CDK19: variants seen among roughly 807,000 people sequenced by gnomAD.
The protein encoded by CDK19 is cyclin-dependent kinase 19.
In CDK19, 20 loss-of-function variants were observed where a neutral mutation model predicts 68.3. The ratio of observed to expected loss-of-function variants is 0.29; its 90% CI spans 0.21 to 0.43. The LOEUF is 0.43. CDK19 is among the 20% of genes least tolerant of loss of function. The pLI, the probability that CDK19 is intolerant of heterozygous loss-of-function variation, is 1.00. For missense variants in CDK19, 339 were observed against 623.5 expected (o/e 0.54, Z 4.86); for synonymous variants, 221 against 222.8 (o/e 0.99, Z 0.07).
intron 2 of CDK19, chr6:110,700,478 G>C (rs1773898254): frequency 6.6e-6 from 1 of 151,994 alleles, no homozygotes. Flanking sequence ...GTGCTGGAGA[G>C]CTCTGGTCTG....
At chr6:110,623,003 T>C (rs1340262569) in intron 9 of CDK19, 91 bp from the exon 10 acceptor site, 4 of 851,616 alleles carry the variant, frequency 4.7e-6, no homozygotes, top group Middle Eastern at 2.2e-4. Context: ...ACAGGATTAA[T>C]ATAAAATACA....
intron 8 of CDK19, among the ~76,000 whole-genome samples, chr6:110,625,132 T>G (rs966223570): frequency 1.3e-5 from 2 of 152,112 alleles, no homozygotes; most frequent in East Asian, 1.9e-4. Context: ...TGCTCTAGAA[T>G]CTCGCTACAC....
intron 4 of CDK19, among the ~76,000 whole-genome samples, chr6:110,648,533 CTTTTCTTTTT>C (rs1293849856): frequency 7.4e-6 from 1 of 134,546 alleles, no homozygotes; most frequent in Non-Finnish European, 1.6e-5. Context: ...AATCTTTTTT[CTTTTCTTTTT>C]TTTTTTTTTT....
chr6:110,679,478 G>A (rs182708641), intron 2 of CDK19, among the ~76,000 whole-genome samples: 1 of 152,098 alleles, frequency 6.6e-6, no homozygotes, highest in Non-Finnish European at 1.5e-5. Flanking sequence ...CAGGCGTGGT[G>A]GTGGGTGCCT....
At chr6:110,624,750 A>G (rs868403937) in intron 8 of CDK19, among the ~76,000 whole-genome samples, 19 of 152,298 alleles carry the variant, frequency 1.2e-4, no homozygotes, top group Admixed American at 5.9e-4. Flanking sequence ...TACTTGTTTC[A>G]TAATAGCTGT....
intron 5 of CDK19, among the ~76,000 whole-genome samples, chr6:110,637,733 A>C (rs1325091629): frequency 6.6e-6 from 1 of 152,216 alleles, no homozygotes; most frequent in Non-Finnish European, 1.5e-5. Context: ...TAATCCCAGC[A>C]CTTTGGGAAG....
At chr6:110,732,520 G>A (rs919899422) in intron 2 of CDK19, among the ~76,000 whole-genome samples, 2 of 151,320 alleles carry the variant, frequency 1.3e-5, no homozygotes, top group Admixed American at 6.6e-5. Context: ...TGGGCAACAA[G>A]GCAAGAAAAA....
At position 110,766,606 on chromosome 6, in the gene CDK19, T is replaced by C. The variant is rs189533396; in HGVS notation, c.129-20405A>G. Among the ~76,000 whole-genome samples, 9 of 152,232 alleles carry C rather than the reference T, an allele frequency of 5.9e-5. No individual in the cohort carries two copies. The East Asian group carries it at 1.4e-3, about 23-fold the overall frequency. ...AAAAAGAAAGAAAAAAGAAATCCTG[T>C]CATTTGCAGCATCATTGACCCTGCA... On this transcript the variant is annotated intron_variant, in intron 1 of 12. Coordinates refer to ENST00000368911, the MANE Select transcript of CDK19 (RefSeq NM_015076.5).
Position 110,649,114 on chromosome 6 carries a change from T to C in CDK19, c.457-10408A>G, listed in dbSNP as rs189358355. Among the ~76,000 whole-genome samples, 779 of 152,216 alleles carry C rather than the reference T, an allele frequency of 5.1e-3. 6 individuals are homozygous for C. The highest frequency in any genetic ancestry group is 0.018 in the African/African-American group (757 of 41,532). On this transcript the variant is annotated intron_variant, in intron 4 of 12. Coordinates refer to ENST00000368911, the MANE Select transcript of CDK19 (RefSeq NM_015076.5). The stretch of plus-strand genomic sequence containing the variant: ...TAAAAAAAAAAATCAATTCTCCCCA[T>C]ACTTATTTGTAAATTCCATTTACAG...
intron 5 of CDK19, among the ~76,000 whole-genome samples, chr6:110,636,401 A>T (rs531147817): frequency 6.6e-6 from 1 of 152,344 alleles, no homozygotes. Flanking sequence ...GCCTTGAAAC[A>T]ATAGGTTAGT....
chr6:110,691,038 C>T (rs1048272949), intron 2 of CDK19, among the ~76,000 whole-genome samples: 26 of 151,988 alleles, frequency 1.7e-4, no homozygotes, highest in Non-Finnish European at 3.4e-4. Flanking sequence ...ATGAAATATT[C>T]GAAATATCAG....
At chr6:110,645,813 G>C in intron 4 of CDK19, 2 of 605,800 alleles carry the variant, frequency 3.3e-6, no homozygotes, top group Admixed American at 4.6e-5. Context: ...TAGAGACGGA[G>C]GGATGGCCGC....
chr6:110,776,931 T>C (rs918948898), intron 1 of CDK19, among the ~76,000 whole-genome samples: 1 of 152,180 alleles, frequency 6.6e-6, no homozygotes. Context: ...TATTATACTT[T>C]AAAGATGAAG....
At chr6:110,809,255 C>T (rs926059634) in intron 1 of CDK19, among the ~76,000 whole-genome samples, 1 of 150,474 alleles carries the variant, frequency 6.6e-6, no homozygotes, top group African/African-American at 2.4e-5. Context: ...TGACTCATGT[C>T]TGTAATCCCA....
intron 1 of CDK19, among the ~76,000 whole-genome samples, chr6:110,801,543 G>A (rs1782346176): frequency 6.6e-6 from 1 of 151,470 alleles, no homozygotes; most frequent in African/African-American, 2.4e-5. Flanking sequence ...ACAGGGTTTT[G>A]CACTGTCGCC....
At chr6:110,788,817 C>T (rs1781410918) in intron 1 of CDK19, among the ~76,000 whole-genome samples, 1 of 152,094 alleles carries the variant, frequency 6.6e-6, no homozygotes, top group African/African-American at 2.4e-5. Context: ...CTGCAGACTT[C>T]AATCTACAGT....
In CDK19 at chr6:110,746,136, C is replaced by T; in HGVS notation, c.194G>A (p.Arg65Lys). 1 of 1,588,382 alleles carries T rather than the reference C, an allele frequency of 6.3e-7. No homozygotes were observed. The highest frequency in any genetic ancestry group is 8.6e-7 in the Non-Finnish European group (1 of 1,164,970). ...TTTGTATCCACTTACTGCAATCTCT[C>T]TACAAGCCGACATGGATATTCCTGT... Reference protein sequence around the residue: ...EGTGISMSACREIALLRELKH... With the variant: ...EGTGISMSACKEIALLRELKH... Residue 65 changes from arginine to lysine, a missense_variant, in exon 2 of 13, where the codon AGA becomes AAA. This residue lies in a region of CDK19 where 120 missense variants were observed against 224.0 expected (regional missense o/e 0.54). Transcript: ENST00000368911.
chr6:110,814,838 G>A, intron 1 of CDK19, 171 bp downstream of exon 1: 5 of 841,430 alleles, frequency 5.9e-6, no homozygotes, highest in Non-Finnish European at 7.5e-6. Flanking sequence ...GCCGCGCGGG[G>A]GAGGCGGGCG....
rs991122247 is a variant in CDK19, at chr6:110,732,832, C to T, written c.204+13294G>A. ...GTAATCCCAGCACTTTGTGGAGGGC[C>T]GAGGCAGGCGGATCACTTGAGGTCA... On this transcript the variant is annotated intron_variant, in intron 2 of 12. Transcript: ENST00000368911. Among the ~76,000 whole-genome samples the T allele has an allele frequency of 4.6e-5, 7 of 151,976 alleles. No individual in the cohort carries two copies. The East Asian group carries it at 9.7e-4, about 21-fold the overall frequency.
Sources: allele counts gnomAD v4.1 joint callset (sites outside exome capture counted in the v4.1 genomes callset), GRCh38; gene constraint gnomAD v4.1.1; regional missense constraint gnomAD v4.1.1; transcripts MANE v1.5; gene names NCBI Gene and HGNC (gene_info 2026-07-23, HGNC 2026-07-21).